Variants in SEMA3E observed in about 807,000 individuals in gnomAD.
The protein encoded by SEMA3E is semaphorin-3E.
In SEMA3E, 49 loss-of-function variants were observed where a neutral mutation model predicts 93.6. The observed-to-expected ratio is 0.52, with a 90% confidence interval of 0.42 to 0.66. SEMA3E has a LOEUF of 0.66. SEMA3E is among the 30% of genes least tolerant of loss of function. The pLI, the probability that SEMA3E is intolerant of heterozygous loss-of-function variation, is 0.00. For synonymous variants in SEMA3E, 363 were observed against 330.7 expected, an observed-to-expected ratio of 1.10 and a Z score of -1.06; for missense variants, 906 against 964.8, an observed-to-expected ratio of 0.94 and a Z score of 0.81.
intron 1 of SEMA3E, among the ~76,000 whole-genome samples, chr7:83,518,761 A>C (rs1222301526): frequency 6.6e-6 from 1 of 151,984 alleles, no homozygotes; most frequent in Non-Finnish European, 1.5e-5. Context: ...CACCTATCGG[A>C]CCAGAGTCTA....
At chr7:83,611,243 A>G (rs1323654508) in intron 1 of SEMA3E, among the ~76,000 whole-genome samples, 1 of 144,374 alleles carries the variant, frequency 6.9e-6, no homozygotes. Flanking sequence ...AGATCACTCC[A>G]TATATATTTA....
At chr7:83,436,264 A>T (rs1789002447) in intron 4 of SEMA3E, among the ~76,000 whole-genome samples, 1 of 151,834 alleles carries the variant, frequency 6.6e-6, no homozygotes, top group South Asian at 2.1e-4. Context: ...CAGGCATAAT[A>T]AGAAAATAAA....
At chr7:83,438,414 G>A (rs950878102) in intron 4 of SEMA3E, among the ~76,000 whole-genome samples, 10 of 152,040 alleles carry the variant, frequency 6.6e-5, no homozygotes, top group South Asian at 2.1e-4. Context: ...ATGAAGTTTC[G>A]TAGTAATTGA....
intron 1 of SEMA3E, among the ~76,000 whole-genome samples, chr7:83,558,896 C>T (rs1022445899): frequency 3.3e-5 from 5 of 151,956 alleles, no homozygotes; most frequent in African/African-American, 4.8e-5. Context: ...ATTTGGCTCC[C>T]CTTTTTGCTT....
Position 83,566,220 on chromosome 7 carries a change from A to T in SEMA3E, c.116-75946T>A, listed in dbSNP as rs562260778. ...ACGGGGTTTTACCGTGCTGGTCAGG[A>T]TTGTCTCGATCTCCTGACCTTGTGA... On this transcript the variant is annotated intron_variant, in intron 1 of 16. Coordinates refer to ENST00000643230, the MANE Select transcript of SEMA3E (RefSeq NM_012431.3). Among the ~76,000 whole-genome samples the T allele has an allele frequency of 8.3e-5, 12 of 144,714 alleles. No individual in the cohort carries two copies. In the South Asian group the frequency reaches 1.7e-3, roughly 21 times the overall value. The allele number at this position is 144,714 out of a possible 152,430, so 94.9% of individuals were successfully genotyped here.
Position 83,539,248 on chromosome 7 carries a change from C to G in SEMA3E, c.116-48974G>C, listed in dbSNP as rs1335320933. On this transcript the variant is annotated intron_variant, in intron 1 of 16. Transcript: ENST00000643230. Reference sequence around the variant, plus strand: ...ATTTCAACATGCTCTAGTAAAAATTCCCTTAATCTCCAGATTTTTAGAAGT... The same window carrying G: ...ATTTCAACATGCTCTAGTAAAAATTGCCTTAATCTCCAGATTTTTAGAAGT... Among the ~76,000 whole-genome samples the G allele has an allele frequency of 2.0e-5, 3 of 152,140 alleles. No homozygotes were observed. In the South Asian group the frequency reaches 6.2e-4, roughly 31 times the overall value.
chr7:83,410,304 CA>C (rs1390777967), intron 5 of SEMA3E, among the ~76,000 whole-genome samples: 1 of 151,874 alleles, frequency 6.6e-6, no homozygotes, highest in African/African-American at 2.4e-5. Flanking sequence ...AGTTTTACTT[CA>C]AATTTCTTTG....
chr7:83,616,643 A>G (rs1274815869), intron 1 of SEMA3E: 9 of 430,524 alleles, frequency 2.1e-5, no homozygotes, highest in African/African-American at 1.7e-4. Context: ...TTCCTCCTCC[A>G]TGTCTTTTCT....
chr7:83,530,220 C>G (rs1033014873), intron 1 of SEMA3E, among the ~76,000 whole-genome samples: 3 of 151,970 alleles, frequency 2.0e-5, no homozygotes, highest in Admixed American at 6.6e-5. Context: ...TTACAATAAC[C>G]CTGTGAGTAG....
chr7:83,645,217 T>C (rs76254821), intron 1 of SEMA3E, among the ~76,000 whole-genome samples: 8,808 of 152,076 alleles, frequency 0.058, 697 homozygotes, highest in African/African-American at 0.18. Context: ...CCCTTCATTC[T>C]CTCTTTCCTT....
At position 83,648,529 on chromosome 7, in the gene SEMA3E, C is replaced by A; in HGVS notation, c.14G>T (p.Gly5Val). 7 of 1,613,176 alleles carry A rather than the reference C, an allele frequency of 4.3e-6. No homozygotes were observed. The highest frequency in any genetic ancestry group is 5.9e-6 in the Non-Finnish European group (7 of 1,179,606). Residue 5 changes from glycine to valine, a missense_variant, in exon 1 of 17, where the codon GGG (glycine) becomes GTG (valine). Coordinates refer to ENST00000643230, the MANE Select transcript of SEMA3E (RefSeq NM_012431.3). ...CCACAGGAGCAAGGTGATAATGTGC[C>A]CCGCGGATGCCATGCTGCCGTGTTC... is the stretch of plus-strand genomic sequence containing the variant. MASAGHIITLLLWGY... is the reference protein window; with the variant it reads MASAVHIITLLLWGY...
chr7:83,452,795 A>T (rs893207318), intron 4 of SEMA3E, among the ~76,000 whole-genome samples: 1 of 152,172 alleles, frequency 6.6e-6, no homozygotes, highest in East Asian at 1.9e-4. Flanking sequence ...TGGATGTTTT[A>T]AAATCACAAA....
At chr7:83,463,346 C>A (rs28767634) in intron 4 of SEMA3E, among the ~76,000 whole-genome samples, 25,321 of 149,524 alleles carry the variant, frequency 0.17, 1,851 homozygotes, top group African/African-American at 0.24. Context: ...TAGAGGCCCT[C>A]AAAATCACAA....
intron 1 of SEMA3E, among the ~76,000 whole-genome samples, chr7:83,635,071 A>G (rs1040532566): frequency 3.9e-5 from 6 of 152,174 alleles, no homozygotes; most frequent in South Asian, 2.1e-4. Flanking sequence ...ATTCTAACCA[A>G]TTATAAAGTA....
intron 2 of SEMA3E, among the ~76,000 whole-genome samples, chr7:83,485,311 AAATT>A (rs1465836293): frequency 4.6e-5 from 7 of 152,244 alleles, no homozygotes; most frequent in African/African-American, 1.7e-4. Context: ...TGCTTTACAT[AAATT>A]AATTCATAAT....
chr7:83,540,103 G>A lies in SEMA3E; in HGVS notation c.116-49829C>T, dbSNP rs368563270. On this transcript the variant is annotated intron_variant, in intron 1 of 16. Transcript: ENST00000643230. ...TTGCCATGTTGGCCAGGCTGGTCCC[G>A]AACTCCTGACCTCAGTTGATCCACC... Among the ~76,000 whole-genome samples, 232 of 152,212 alleles carry A rather than the reference G, an allele frequency of 1.5e-3. 10 individuals are homozygous for A. In the South Asian group the frequency reaches 0.044, roughly 29 times the overall value.
intron 16 of SEMA3E, among the ~76,000 whole-genome samples, chr7:83,380,077 TCAA>T (rs1196337391): frequency 6.6e-6 from 1 of 150,554 alleles, no homozygotes; most frequent in African/African-American, 2.4e-5. Flanking sequence ...AAAAGTTAAC[TCAA>T]CAACTTTCTC....
chr7:83,601,635 G>A (rs1793000054), intron 1 of SEMA3E, among the ~76,000 whole-genome samples: 1 of 151,978 alleles, frequency 6.6e-6, no homozygotes, highest in South Asian at 2.1e-4. Context: ...AATTAATGTT[G>A]GTTAGCCTCC....
At chr7:83,455,425 G>A (rs994854636) in intron 4 of SEMA3E, among the ~76,000 whole-genome samples, 2 of 152,096 alleles carry the variant, frequency 1.3e-5, no homozygotes, top group Non-Finnish European at 1.5e-5. Flanking sequence ...CTTTCATTCT[G>A]GGCCTATGCC....
Sources: allele counts gnomAD v4.1 joint callset (sites outside exome capture counted in the v4.1 genomes callset), GRCh38; gene constraint gnomAD v4.1.1; transcripts MANE v1.5; gene names NCBI Gene and HGNC (gene_info 2026-07-23, HGNC 2026-07-21).